KARS1: variants seen among roughly 807,000 people sequenced by gnomAD.
KARS1 encodes lysine--tRNA ligase.
A neutral mutation model predicts 63.9 loss-of-function variants in KARS1; 50 were observed. The observed-to-expected ratio is 0.78, with a 90% CI of 0.62 to 0.99. The LOEUF (loss-of-function observed/expected upper bound fraction) is 0.99. KARS1 is among the 50% of genes least tolerant of loss of function. KARS1 has a pLI of 0.00. For missense variants in KARS1, 816 were observed against 754.5 expected (o/e 1.08, Z -0.95); for synonymous variants, 320 against 264.6 (o/e 1.21, Z -2.03).
At chr16:75,645,608 G>C (rs2082271762) in intron 1 of KARS1, among the ~76,000 whole-genome samples, 1 of 152,046 alleles carries the variant, frequency 6.6e-6, no homozygotes, top group Admixed American at 6.6e-5. Flanking sequence ...GCGCTTTGTG[G>C]GGTTGAGGCG....
In KARS1 at chr16:75,647,640, C is replaced by T. The variant is rs374675852; in HGVS notation, c.-1G>A. On this transcript the variant is annotated 5_prime_UTR_variant, in exon 1 of 14. Coordinates refer to ENST00000302445, the MANE Select transcript of KARS1 (RefSeq NM_005548.3). ...CCTCGGCCGCCTGCACGGCCGCCAT[C>T]TTCCCGGAGGGCCCGACCCAAAAGT... The T allele has an allele frequency of 7.4e-6, 12 of 1,613,960 alleles. No individual in the cohort carries two copies. The highest frequency in any genetic ancestry group is 1.7e-5 in the Admixed American group (1 of 60,016).
At chr16:75,640,076 G>T in intron 3 of KARS1, 108 bp downstream of exon 3, 1 of 898,236 alleles carries the variant, frequency 1.1e-6, no homozygotes, top group South Asian at 1.3e-5. Flanking sequence ...AGTAGCTTCA[G>T]ACACAGGCTA....
At chr16:75,636,318 T>C (rs2082161217) in intron 4 of KARS1, 136 bp downstream of exon 4, 2 of 792,708 alleles carry the variant, frequency 2.5e-6, no homozygotes, top group Non-Finnish European at 4.5e-6. Flanking sequence ...GGCCACATTA[T>C]CCTCTTCTCA....
intron 6 of KARS1, among the ~76,000 whole-genome samples, chr16:75,634,858 A>G (rs1207127588): frequency 1.3e-5 from 2 of 152,194 alleles, no homozygotes; most frequent in African/African-American, 4.8e-5. Flanking sequence ...TACAGGTGTG[A>G]GCCACTGCGC....
intron 1 of KARS1, among the ~76,000 whole-genome samples, chr16:75,645,843 CAAAAAAAAAA>C (rs11363202): frequency 1.2e-5 from 1 of 82,052 alleles, no homozygotes; most frequent in African/African-American, 3.9e-5. Context: ...ACTCTGCCTC[CAAAAAAAAAA>C]AAAAAAAAAA....
At chr16:75,628,990 T>C (rs2082081266) in intron 12 of KARS1, 2 of 509,980 alleles carry the variant, frequency 3.9e-6, no homozygotes, top group Admixed American at 3.2e-5. Flanking sequence ...CCAAACAGGT[T>C]AATTCTCAGA....
At chr16:75,644,411 A>G (rs1398856062) in intron 1 of KARS1, 2 of 1,611,932 alleles carry the variant, frequency 1.2e-6, no homozygotes, top group Admixed American at 1.7e-5. Context: ...CAAGCCTTAC[A>G]GCAGCTTGCG....
rs1393251957 is a variant in KARS1 at position 75,629,419 on chromosome 16, G to C, written c.1547C>G (p.Ala516Gly). The C allele has an allele frequency of 6.2e-7, 1 of 1,613,914 alleles. No homozygotes were observed. Among genetic ancestry groups the C allele is most frequent in the Non-Finnish European group, 8.5e-7 (1 of 1,179,866 alleles). ...MRQRQLFEEQAKAKAAGDDEA... is the reference protein window; with the variant it reads ...MRQRQLFEEQGKAKAAGDDEA... ...GCTCACAGTCCCCTTTCTCACCTTG[G>C]CCTGTTCTTCAAAAAGCTGCCGCTG... The change falls in exon 12 of 14, where the codon GCC (alanine) becomes GGC (glycine). Residue 516 changes from alanine to glycine, a missense_variant. By Grantham distance (60) the Ala-to-Gly change is moderately conservative (BLOSUM62 0). Coordinates refer to ENST00000302445, the MANE Select transcript of KARS1 (RefSeq NM_005548.3).
chr16:75,629,546 G>C lies in KARS1; in HGVS notation c.1425-5C>G. On this transcript the variant is annotated splice_region_variant and splice_polypyrimidine_tract_variant and intron_variant, in intron 11 of 13. Transcript: ENST00000302445. ...AGACCCTCTTTAGAGCGGTGCCTAG[G>C]GACAGGAGACCAAAGAGGAGGCTGA... 6.2e-7 allele frequency: 1 copy of C among 1,613,942 alleles called. No homozygotes were observed. Among genetic ancestry groups the C allele is most frequent in the Non-Finnish European group, 8.5e-7 (1 of 1,179,892 alleles).
At position 75,627,827 on chromosome 16, in the gene KARS1, C is replaced by G. The variant is rs1164993979; in HGVS notation, c.*68G>C. The G allele has an allele frequency of 4.5e-6, 4 of 889,430 alleles. No homozygotes were observed. The highest frequency in any genetic ancestry group is 7.7e-6 in the Non-Finnish European group (4 of 518,828). 55.1% of individuals were successfully genotyped at this position (889,430 alleles called of 1,614,324 possible). A position where few individuals can be genotyped will look rare whatever the true frequency, so the allele number is the denominator to read the frequency against. ...ATGGAAAGCAGCACACAAGAATTCC[C>G]TTGCAGACCTTGATCTTTCGCAGAA... is the stretch of plus-strand genomic sequence containing the variant. On this transcript the variant is annotated 3_prime_UTR_variant, in exon 14 of 14. Transcript: ENST00000302445.
At chr16:75,644,410 C>T (rs748187258) in intron 1 of KARS1, 7 of 1,611,762 alleles carry the variant, frequency 4.3e-6, no homozygotes, top group East Asian at 2.2e-5. Context: ...ACAAGCCTTA[C>T]AGCAGCTTGC....
At chr16:75,631,307 A>C (rs2082110397) in intron 9 of KARS1, 54 bp from the exon 10 acceptor site, 27 of 1,586,536 alleles carry the variant, frequency 1.7e-5, no homozygotes, top group Non-Finnish European at 2.3e-5. Context: ...GCCAAGTAAA[A>C]ATGTACATAA....
intron 10 of KARS1, 119 bp from the exon 11 acceptor site, chr16:75,630,627 T>TTTATTA (rs145525565): frequency 3.4e-5 from 13 of 382,022 alleles, no homozygotes; most frequent in South Asian, 1.0e-4. Context: ...TTTTTATTTA[T>TTTATTA]TTATTATTAT....
chr16:75,635,770 G>A lies in KARS1; in HGVS notation c.705C>T (p.Ile235=). 6.2e-7 allele frequency: 1 copy of A among 1,614,114 alleles called. No individual in the cohort carries two copies. The highest frequency in any genetic ancestry group is 8.5e-7 in the Non-Finnish European group (1 of 1,179,992). The change falls in exon 6 of 14, where the codon ATC becomes ATT. Residue 235 remains isoleucine (I), a synonymous_variant. Transcript: ENST00000302445. Reference sequence around the variant, plus strand: ...ATTTCTGCCTCACAAAGTCATTCAGGATCAAGTCCAAGTATCTCTGGCGAT... The same window carrying A: ...ATTTCTGCCTCACAAAGTCATTCAGAATCAAGTCCAAGTATCTCTGGCGAT... The part of the protein sequence containing the change: ...TRYRQRYLDL[I]LNDFVRQKFI...
At chr16:75,632,053 A>G (rs1220378578) in intron 7 of KARS1, among the ~76,000 whole-genome samples, 198 bp from the exon 8 acceptor site, 1 of 151,758 alleles carries the variant, frequency 6.6e-6, no homozygotes, top group Non-Finnish European at 1.5e-5. Context: ...ACGCCTGGCT[A>G]ATTTTTTTGT....
At chr16:75,632,411 C>A (rs1187250056) in intron 7 of KARS1, among the ~76,000 whole-genome samples, 3 of 152,160 alleles carry the variant, frequency 2.0e-5, no homozygotes, top group Non-Finnish European at 4.4e-5. Flanking sequence ...TGAGTCTGAA[C>A]CTCCCCAAGG....
intron 3 of KARS1, among the ~76,000 whole-genome samples, chr16:75,638,003 C>T (rs905503359): frequency 6.7e-6 from 1 of 150,228 alleles, no homozygotes; most frequent in Non-Finnish European, 1.5e-5. Context: ...GCCACAAAAA[C>T]AAGAGGGAGC....
chr16:75,646,008 C>G (rs1406014062), intron 1 of KARS1, among the ~76,000 whole-genome samples: 1 of 152,028 alleles, frequency 6.6e-6, no homozygotes, highest in African/African-American at 2.4e-5. Flanking sequence ...AAAGAATGAA[C>G]TAAACTTTAG....
Position 75,641,686 on chromosome 16 carries a change from C to T in KARS1, c.100G>A (p.Ala34Thr). ...KRRLKAEKKV[A>T]EKEAKQKELS... ...TCTTTCTGTTTGGCCTCCTTCTCTG[C>T]TACTTTCTTCTCAGCTTTCAGGCGT... is the stretch of plus-strand genomic sequence containing the variant. The change falls in exon 2 of 14, where the codon GCA (alanine) becomes ACA (threonine). Residue 34 changes from alanine (A) to threonine (T), a missense_variant. Transcript: ENST00000302445. The T allele has an allele frequency of 6.2e-7, 1 of 1,613,998 alleles. No individual in the cohort carries two copies.
Sources: gnomAD v4.1 joint callset for allele counts (sites outside exome capture counted in the v4.1 genomes callset) on GRCh38, gnomAD v4.1.1 for gene constraint, MANE v1.5 for transcripts, NCBI Gene and HGNC (gene_info 2026-07-23, HGNC 2026-07-21) for gene names.